Variants in FGF13 observed in about 807,000 individuals in gnomAD.
FGF13 encodes the protein fibroblast growth factor homologous factor 2.
Under a neutral mutation model 19.5 loss-of-function variants are expected in FGF13, and 2 were observed. That is an observed-to-expected ratio of 0.10 (90% CI 0.04 to 0.32). FGF13 has a LOEUF of 0.32. FGF13 is among the 10% of genes least tolerant of loss of function. FGF13 has a pLI of 1.00. For missense variants in FGF13, 113 were observed against 192.7 expected (o/e 0.59, Z 2.45); for synonymous variants, 72 against 76.9 (o/e 0.94, Z 0.33).
chrX:138,746,082 T>C (rs1000572182), intron 3 of FGF13, among the ~76,000 whole-genome samples: 1 of 111,980 alleles, frequency 8.9e-6, no homozygotes. Context: ...TTGTTTGGCA[T>C]GTCCACAGAC....
chrX:138,828,319 A>C (rs2091047546), intron 3 of FGF13, among the ~76,000 whole-genome samples: 2 of 110,840 alleles, frequency 1.8e-5, no homozygotes, highest in African/African-American at 3.3e-5. Flanking sequence ...CTGTAATCCC[A>C]GCACTTTGGG....
At chrX:138,910,196 C>A (rs1422542248) in intron 1 of FGF13, among the ~76,000 whole-genome samples, 1 of 111,084 alleles carries the variant, frequency 9.0e-6, no homozygotes, top group African/African-American at 3.3e-5. Flanking sequence ...AAGGAGTCCA[C>A]CTCAAGCTCA....
chrX:138,705,868 G>A (rs939811043), intron 2 of FGF13, among the ~76,000 whole-genome samples: 3 of 112,434 alleles, frequency 2.7e-5, no homozygotes, highest in Admixed American at 9.4e-5. Context: ...TTCATTTATG[G>A]ATTTAAAACA....
At chrX:139,204,289 G>A (rs2084446136), upstream of FGF13, 7 of 431,023 alleles carry the variant, frequency 1.6e-5, no homozygotes, top group East Asian at 4.2e-5. Flanking sequence ...AGAGTGGGGA[G>A]GAAAGGAAAG....
At chrX:139,059,830 G>A (rs1247683040) in intron 1 of FGF13, among the ~76,000 whole-genome samples, 1 of 111,720 alleles carries the variant, frequency 9.0e-6, no homozygotes, top group Admixed American at 9.5e-5. Flanking sequence ...TTTATACTGT[G>A]GAAATGAACA....
intron 3 of FGF13, among the ~76,000 whole-genome samples, chrX:138,784,836 ATC>A (rs1445659561): frequency 1.8e-5 from 2 of 111,551 alleles, no homozygotes; most frequent in African/African-American, 6.5e-5. Context: ...CATCACACAC[ATC>A]TGCCTTGCAA....
chrX:138,847,909 T>A (rs1274363476), intron 3 of FGF13, among the ~76,000 whole-genome samples: 1 of 111,642 alleles, frequency 9.0e-6, no homozygotes, highest in Non-Finnish European at 1.9e-5. Flanking sequence ...GAGTCAAGCT[T>A]TGCAATCTTA....
At chrX:138,647,388 A>G (rs2089319200) in intron 3 of FGF13, among the ~76,000 whole-genome samples, 1 of 111,627 alleles carries the variant, frequency 9.0e-6, no homozygotes, top group South Asian at 3.7e-4. Context: ...ATGTGTAGCT[A>G]TGTTGCAGTG....
At chrX:138,828,392 C>T (rs776301964) in intron 3 of FGF13, among the ~76,000 whole-genome samples, 4 of 109,581 alleles carry the variant, frequency 3.7e-5, no homozygotes, top group Middle Eastern at 4.8e-3. Flanking sequence ...CACGGTGAAA[C>T]CCCGTCTCTA....
intron 1 of FGF13, among the ~76,000 whole-genome samples, chrX:139,030,563 T>C (rs762165576): frequency 5.4e-5 from 6 of 111,678 alleles, no homozygotes; most frequent in Non-Finnish European, 1.1e-4. Context: ...GGTTCTTAGA[T>C]AGATCTCTTC....
chrX:139,191,981 C>T (rs141233120), intron 1 of FGF13, among the ~76,000 whole-genome samples: 1 of 111,635 alleles, frequency 9.0e-6, no homozygotes, highest in African/African-American at 3.3e-5. Flanking sequence ...GCCCTCTCTG[C>T]GAGAGCCGAG....
rs71855826 is a variant in FGF13 at position 139,141,047 on chromosome X, TGATAGATAGATA to T, written c.-113+62357_-113+62368del. Among the ~76,000 whole-genome samples the T allele has an allele frequency of 6.5e-3, 582 of 89,101 alleles. 3 individuals carry two copies. Among genetic ancestry groups the T allele is most frequent in the Non-Finnish European group, 9.3e-3 (432 of 46,258 alleles). The allele number at this position is 89,101 out of a possible 115,157, so 77.4% of individuals were successfully genotyped here. ...AGGTCTTTCCTCACCACTAGATAGATGATAGATAGATAGATAGATAGATAGATAGATAGATAG... is the reference window on the plus strand; with the variant it reads ...AGGTCTTTCCTCACCACTAGATAGATGATAGATAGATAGATAGATAGATAG... On this transcript the variant is annotated intron_variant, in intron 1 of 2. Transcript: ENST00000421460.
At chrX:139,139,180 G>A (rs767397964) in intron 1 of FGF13, among the ~76,000 whole-genome samples, 2 of 111,039 alleles carry the variant, frequency 1.8e-5, no homozygotes, top group Non-Finnish European at 3.8e-5. Flanking sequence ...CGATCTGCCT[G>A]CCTCAGTCTC....
chrX:139,140,682 G>A (rs2148239398), intron 1 of FGF13, among the ~76,000 whole-genome samples: 1 of 110,635 alleles, frequency 9.0e-6, no homozygotes, highest in South Asian at 3.9e-4. Context: ...AGGGGAGATG[G>A]GGCAGCAATC....
chrX:138,941,782 GA>G (rs1011564876), intron 1 of FGF13, among the ~76,000 whole-genome samples: 1 of 111,289 alleles, frequency 9.0e-6, no homozygotes, highest in Non-Finnish European at 1.9e-5. Flanking sequence ...TCATTCCTCT[GA>G]AAAAAAAGTA....
At chrX:138,852,996 C>T (rs148231841), downstream of FGF13, among the ~76,000 whole-genome samples, 330 of 110,074 alleles carry the variant, frequency 3.0e-3, no homozygotes, top group African/African-American at 0.01. Flanking sequence ...GAAATGCAAA[C>T]CAAGGCCCCA....
chrX:139,108,043 T>G, intron 1 of FGF13, among the ~76,000 whole-genome samples: 1 of 111,488 alleles, frequency 9.0e-6, no homozygotes, highest in Middle Eastern at 4.3e-3. Context: ...GAAGAGCCCA[T>G]GTAAACTCTA....
chrX:139,031,707 G>A (rs1259656526), intron 1 of FGF13, among the ~76,000 whole-genome samples: 1 of 103,265 alleles, frequency 9.7e-6, no homozygotes, highest in Non-Finnish European at 2.0e-5. Flanking sequence ...TCTAAAGATC[G>A]GGGTCAAAAA....
intron 1 of FGF13, among the ~76,000 whole-genome samples, chrX:138,877,404 C>CT (rs1193073695): frequency 8.9e-6 from 1 of 112,002 alleles, no homozygotes; most frequent in East Asian, 2.8e-4. Flanking sequence ...TTTTGAATAA[C>CT]TTTATTTTTA....
Sources: gnomAD v4.1 joint callset for allele counts (sites outside exome capture counted in the v4.1 genomes callset) on GRCh38, gnomAD v4.1.1 for gene constraint, MANE v1.5 for transcripts, NCBI Gene and HGNC (gene_info 2026-07-23, HGNC 2026-07-21) for gene names.